UBE3C: variants seen among roughly 807,000 people sequenced by gnomAD.
The protein encoded by UBE3C is ubiquitin-protein ligase E3C.
In UBE3C, 42 loss-of-function variants were observed where a neutral mutation model predicts 129.4. The observed-to-expected ratio is 0.32, with a 90% CI of 0.25 to 0.42. The LOEUF (loss-of-function observed/expected upper bound fraction) is 0.42. UBE3C is among the 10% of genes least tolerant of loss of function. The pLI is 1.00. For synonymous variants in UBE3C, 510 were observed against 492.4 expected (o/e 1.04, Z -0.47); for missense variants, 1,049 against 1,319.1 (o/e 0.80, Z 3.17).
chr7:157,190,351 C>CCCGT (rs1207713032), intron 10 of UBE3C, among the ~76,000 whole-genome samples: 3 of 151,986 alleles, frequency 2.0e-5, no homozygotes, highest in Non-Finnish European at 2.9e-5. Flanking sequence ...GGTGAACAGG[C>CCCGT]CCGTCATCTA....
Position 157,212,368 on chromosome 7 carries a change from A to G in UBE3C, c.1809+4433A>G, listed in dbSNP as rs539444297. ...TACTTAATTTTTTGGTTGCAATACT[A>G]TATCTAAATATCCGTCATCTCCATA... On this transcript the variant is annotated intron_variant, in intron 13 of 22. Coordinates refer to ENST00000348165, the MANE Select transcript of UBE3C (RefSeq NM_014671.3). 5.9e-5 allele frequency among the ~76,000 whole-genome samples: 9 copies of G among 152,350 alleles called. No homozygotes were observed. In the South Asian group the frequency reaches 8.3e-4, roughly 14 times the overall value.
intron 10 of UBE3C, among the ~76,000 whole-genome samples, chr7:157,196,301 T>G (rs1162490885): frequency 6.6e-6 from 1 of 152,204 alleles, no homozygotes; most frequent in Non-Finnish European, 1.5e-5. Flanking sequence ...AGATAATAAA[T>G]TTGTGCTATT....
At chr7:157,185,655 A>G (rs1004094383) in intron 9 of UBE3C, among the ~76,000 whole-genome samples, 21 of 152,132 alleles carry the variant, frequency 1.4e-4, no homozygotes, top group African/African-American at 5.1e-4. Flanking sequence ...GATTTTTCCA[A>G]GGTCAAAGTT....
chr7:157,146,507 C>T (rs578113315), intron 1 of UBE3C, among the ~76,000 whole-genome samples: 72 of 152,110 alleles, frequency 4.7e-4, no homozygotes, highest in Middle Eastern at 3.4e-3. Context: ...AGGCATGAGC[C>T]CCTGCGTCCG....
intron 5 of UBE3C, among the ~76,000 whole-genome samples, chr7:157,176,515 TC>T (rs1387321499): frequency 6.6e-6 from 1 of 152,238 alleles, no homozygotes; most frequent in Admixed American, 6.5e-5. Context: ...CCTCAGGTCA[TC>T]CGCCTGCCTT....
At chr7:157,143,625 C>T (rs753049383) in intron 1 of UBE3C, among the ~76,000 whole-genome samples, 14 of 152,154 alleles carry the variant, frequency 9.2e-5, no homozygotes, top group Non-Finnish European at 1.6e-4. Context: ...GGTCATGTTT[C>T]CACCTGATAA....
chr7:157,233,874 T>G (rs1796086069), intron 18 of UBE3C, among the ~76,000 whole-genome samples: 1 of 152,248 alleles, frequency 6.6e-6, no homozygotes, highest in East Asian at 1.9e-4. Flanking sequence ...TAGTGTTGTC[T>G]TTTTCATTAC....
In UBE3C at chr7:157,225,468, A is replaced by G. The variant is rs1297934593; in HGVS notation, c.2162A>G (p.Asp721Gly). ...GTTCAAGGAGATGGTCCATTTCTGG[A>G]TGGAATTAATGTCACAATAAGAAGA... ...QEVQGDGPFL[D>G]GINVTIRRNY... is the part of the protein sequence containing the mutation. The change falls in exon 17 of 23, where the codon GAT (aspartate) becomes GGT (glycine). Residue 721 changes from aspartate (D) to glycine (G), a missense_variant. Asp to Gly is a moderately conservative substitution (Grantham distance 94, BLOSUM62 -1). Transcript: ENST00000348165. 5 of 1,604,044 alleles carry G rather than the reference A, an allele frequency of 3.1e-6. No homozygotes were observed. The highest frequency in any genetic ancestry group is 1.8e-5 in the Admixed American group (1 of 56,268).
At chr7:157,192,390 T>C in intron 10 of UBE3C, 1 of 690,888 alleles carries the variant, frequency 1.4e-6, no homozygotes, top group Non-Finnish European at 2.7e-6. Context: ...ATAAAAACCC[T>C]TACGGGGAAG....
intron 1 of UBE3C, among the ~76,000 whole-genome samples, chr7:157,161,945 C>T (rs1808081982): frequency 6.6e-6 from 1 of 151,752 alleles, no homozygotes; most frequent in Admixed American, 6.6e-5. Flanking sequence ...TGGTATGCAC[C>T]CGTAGTCCCA....
rs1445552796 is a variant in UBE3C at position 157,268,738 on chromosome 7, C to T, written c.*983C>T. On this transcript the variant is annotated 3_prime_UTR_variant, in exon 23 of 23. Transcript: ENST00000348165. ...TCTGCTTCCTGGTGCTGCTCTGACT[C>T]GAAGACGGGACAGTCCCTGGTGCAC... is the stretch of plus-strand genomic sequence containing the variant. 1 of 152,692 alleles carries T rather than the reference C, an allele frequency of 6.5e-6. No individual in the cohort carries two copies. The highest frequency in any genetic ancestry group is 1.5e-5 in the Non-Finnish European group (1 of 68,074). 9.5% of individuals were successfully genotyped at this position (152,692 alleles called of 1,614,324 possible). A position where few individuals can be genotyped will look rare whatever the true frequency, so the allele number is the denominator to read the frequency against.
chr7:157,168,416 C>T (rs1433818244), intron 2 of UBE3C, among the ~76,000 whole-genome samples: 1 of 151,530 alleles, frequency 6.6e-6, no homozygotes, highest in Non-Finnish European at 1.5e-5. Context: ...GTGGCAATTC[C>T]TCAATGATAA....
intron 14 of UBE3C, among the ~76,000 whole-genome samples, chr7:157,218,441 T>G (rs1795641336): frequency 6.6e-6 from 1 of 151,490 alleles, no homozygotes; most frequent in Non-Finnish European, 1.5e-5. Context: ...AGAGCAAGAT[T>G]CCGTCTCAAA....
intron 10 of UBE3C, among the ~76,000 whole-genome samples, chr7:157,188,761 A>G (rs1455095350): frequency 1.4e-5 from 2 of 146,152 alleles, no homozygotes; most frequent in Middle Eastern, 3.4e-3. Context: ...AAGAGCAAGT[A>G]GGCTTACTCT....
chr7:157,181,639 C>G lies in UBE3C; in HGVS notation c.738C>G (p.His246Gln), dbSNP rs376722650. 2 of 1,613,626 alleles carry G rather than the reference C, an allele frequency of 1.2e-6. No individual in the cohort carries two copies. The highest frequency in any genetic ancestry group is 1.7e-6 in the Non-Finnish European group (2 of 1,179,888). ...ILLENVLKPL[H>Q]FTYNSCPEGA... Reference sequence around the variant, plus strand: ...TAGAGAATGTTCTAAAACCATTGCACTTTACTTACAACTCCTGTCCGGAAG... The same window carrying G: ...TAGAGAATGTTCTAAAACCATTGCAGTTTACTTACAACTCCTGTCCGGAAG... Residue 246 changes from histidine (H) to glutamine (Q), a missense_variant, in exon 7 of 23, where the codon CAC becomes CAG. Physicochemically the swap from His to Gln is conservative, Grantham distance 24. Transcript: ENST00000348165.
chr7:157,240,094 G>GT (rs1290943086), intron 18 of UBE3C, among the ~76,000 whole-genome samples: 2 of 151,664 alleles, frequency 1.3e-5, no homozygotes, highest in East Asian at 1.9e-4. Flanking sequence ...GTTTTTTGGG[G>GT]TTTTTTGAGA....
intron 4 of UBE3C, among the ~76,000 whole-genome samples, chr7:157,172,264 C>T (rs1808399334): frequency 6.6e-6 from 1 of 151,932 alleles, no homozygotes; most frequent in African/African-American, 2.4e-5. Flanking sequence ...GTACTCCTGA[C>T]ATCAAGTGAT....
chr7:157,254,370 G>T, intron 21 of UBE3C, 60 bp downstream of exon 21: 3 of 1,013,744 alleles, frequency 3.0e-6, no homozygotes, highest in Non-Finnish European at 4.0e-6. Context: ...TATTTCCAAA[G>T]TAATTTTTAT....
intron 11 of UBE3C, among the ~76,000 whole-genome samples, chr7:157,204,364 C>T (rs991314199): frequency 2.1e-5 from 3 of 142,398 alleles, no homozygotes; most frequent in African/African-American, 7.8e-5. Flanking sequence ...CGCCATTGCA[C>T]TCCAGCCTGG....
Sources: allele counts gnomAD v4.1 joint callset (sites outside exome capture counted in the v4.1 genomes callset), GRCh38; gene constraint gnomAD v4.1.1; transcripts MANE v1.5; gene names NCBI Gene and HGNC (gene_info 2026-07-23, HGNC 2026-07-21).